NME9: variants seen among roughly 807,000 people sequenced by gnomAD.
The protein encoded by NME9 is thioredoxin domain-containing protein 6.
In NME9, 48 loss-of-function variants were observed where a neutral mutation model predicts 44.4. The observed-to-expected ratio is 1.08, with a 90% CI of 0.86 to 1.37. The LOEUF (loss-of-function observed/expected upper bound fraction) is 1.37, where lower values mean the gene tolerates loss of function less well. Ranked by LOEUF, NME9 falls within the 40% of genes most tolerant of loss-of-function variation. NME9 has a pLI of 0.00. For synonymous variants in NME9, 139 were observed against 147.1 expected (o/e 0.94, Z 0.40); for missense variants, 325 against 405.2 (o/e 0.80, Z 1.70).
chr3:138,323,843 T>C (rs2053612107), intron 2 of NME9, among the ~76,000 whole-genome samples: 1 of 152,056 alleles, frequency 6.6e-6, no homozygotes, highest in East Asian at 1.9e-4. Context: ...GAAAGAGAAG[T>C]AAAGAGTGGG....
chr3:138,288,082 G>A (rs1005590359), intron 8 of NME9: 2 of 159,102 alleles, frequency 1.3e-5, no homozygotes, highest in African/African-American at 4.8e-5. Flanking sequence ...AGTTTTTGGG[G>A]ATATTCCTTT....
downstream of NME9, among the ~76,000 whole-genome samples, chr3:138,300,606 GGAA>G (rs1215958188): frequency 6.6e-6 from 1 of 152,198 alleles, no homozygotes; most frequent in Non-Finnish European, 1.5e-5. Context: ...GTCCCTCCAG[GGAA>G]GAACTGCAGA....
At chr3:138,325,398 CT>C (rs58680542) in intron 1 of NME9, among the ~76,000 whole-genome samples, 404 of 140,112 alleles carry the variant, frequency 2.9e-3, no homozygotes, top group Middle Eastern at 7.4e-3. Flanking sequence ...GTAAAAATTT[CT>C]TTTTTTTTTT....
chr3:138,305,371 C>G (rs1267725342), intron 8 of NME9, among the ~76,000 whole-genome samples: 1 of 152,176 alleles, frequency 6.6e-6, no homozygotes, highest in Non-Finnish European at 1.5e-5. Context: ...GCTGGATAAC[C>G]AAGGGCTGAA....
rs1479068070 is a variant in NME9 at position 138,315,274 on chromosome 3, A to T, written c.384+253T>A. On this transcript the variant is annotated intron_variant, in intron 5 of 10. Coordinates refer to ENST00000333911, the MANE Select transcript of NME9 (RefSeq NM_001349018.2). ...TTTCATTTCTGAATTCATTGTTAAG[A>T]GTTGAGGTGGGAGACGAAAGGGAAA... is the stretch of plus-strand genomic sequence containing the variant. Among the ~76,000 whole-genome samples, 3 of 152,178 alleles carry T rather than the reference A, an allele frequency of 2.0e-5. No homozygotes were observed. The East Asian group carries it at 5.8e-4, about 29-fold the overall frequency.
At chr3:138,285,879 A>G (rs1009162781) in intron 8 of NME9, among the ~76,000 whole-genome samples, 1 of 152,212 alleles carries the variant, frequency 6.6e-6, no homozygotes, top group African/African-American at 2.4e-5. Flanking sequence ...AATCACTTAA[A>G]AAGTTTTCCT....
At chr3:138,265,225 TG>T (rs2048165153) in intron 8 of NME9, among the ~76,000 whole-genome samples, 1 of 152,098 alleles carries the variant, frequency 6.6e-6, no homozygotes, top group Non-Finnish European at 1.5e-5. Flanking sequence ...ATAACATTTT[TG>T]GTGTTAGGTC....
intron 8 of NME9, among the ~76,000 whole-genome samples, chr3:138,269,793 A>G (rs2048606373): frequency 1.3e-5 from 2 of 150,736 alleles, no homozygotes; most frequent in Admixed American, 1.3e-4. Flanking sequence ...AAAGGAAATG[A>G]CAGAGTGGTT....
intron 8 of NME9, among the ~76,000 whole-genome samples, chr3:138,291,449 A>G (rs1027785385): frequency 5.9e-5 from 9 of 152,192 alleles, no homozygotes; most frequent in Non-Finnish European, 1.0e-4. Context: ...TTCATCAGAT[A>G]TCTCTTTTGA....
At position 138,329,817 on chromosome 3, in the gene NME9, C is replaced by A. The variant is rs1180031178; in HGVS notation, c.-482G>T. Reference sequence around the variant, plus strand: ...CTTCGACGCGCCCGGAGTCACCAACCGAGTCTGCCGCGACCTAGCCGCGGT... The same window carrying A: ...CTTCGACGCGCCCGGAGTCACCAACAGAGTCTGCCGCGACCTAGCCGCGGT... On this transcript the variant is annotated 5_prime_UTR_variant, in exon 1 of 11. Coordinates refer to ENST00000333911, the MANE Select transcript of NME9 (RefSeq NM_001349018.2). 4 of 986,360 alleles carry A rather than the reference C, an allele frequency of 4.1e-6. No individual in the cohort carries two copies. The highest frequency in any genetic ancestry group is 3.6e-6 in the Non-Finnish European group (3 of 830,674). 61.1% of individuals were successfully genotyped at this position (986,360 alleles called of 1,614,324 possible). A position where few individuals can be genotyped will look rare whatever the true frequency, so the allele number is the denominator to read the frequency against.
At chr3:138,281,805 C>T (rs955082162) in intron 8 of NME9, among the ~76,000 whole-genome samples, 4 of 152,118 alleles carry the variant, frequency 2.6e-5, no homozygotes, top group Non-Finnish European at 4.4e-5. Context: ...CCTTTATATT[C>T]TGTTTTAGTG....
chr3:138,262,683 TAAA>T (rs111720907), intron 8 of NME9: 2 of 1,052,794 alleles, frequency 1.9e-6, no homozygotes, highest in Non-Finnish European at 2.5e-6. Context: ...GACATAGGAT[TAAA>T]AAAAAAAATC....
intron 6 of NME9, among the ~76,000 whole-genome samples, chr3:138,309,384 A>C (rs900433641): frequency 2.0e-5 from 3 of 152,150 alleles, no homozygotes; most frequent in Non-Finnish European, 4.4e-5. Flanking sequence ...AAGACATTTG[A>C]GGTATAAAAC....
chr3:138,305,528 T>TG (rs1287932746), intron 8 of NME9, among the ~76,000 whole-genome samples: 1 of 152,078 alleles, frequency 6.6e-6, no homozygotes, highest in African/African-American at 2.4e-5. Flanking sequence ...GGGATGCCTA[T>TG]TCCCCAACAC....
chr3:138,329,198 T>G, intron 1 of NME9, 105 bp downstream of exon 1: 1 of 1,010,416 alleles, frequency 9.9e-7, no homozygotes, highest in Non-Finnish European at 1.5e-6. Context: ...TGTCACGTAC[T>G]GCTGGCAAAC....
Position 138,306,011 on chromosome 3 carries a change from G to A in NME9, c.629C>T (p.Ala210Val), listed in dbSNP as rs149207406. The change falls in exon 8 of 11, where the codon GCT becomes GTT. Residue 210 changes from alanine (A) to valine (V), a missense_variant. Physicochemically the swap from Ala to Val is moderately conservative, Grantham distance 64. Transcript: ENST00000333911. ...AEVRLFYQHK[A>V]GEEAFEKLVH... Reference sequence around the variant, plus strand: ...GGAAGTAGATGAGCTGACCTCTCCAGCTTTGTGTTGGTAGAAAAGTCGCAC... The same window carrying A: ...GGAAGTAGATGAGCTGACCTCTCCAACTTTGTGTTGGTAGAAAAGTCGCAC... The A allele has an allele frequency of 7.5e-4, 1,202 of 1,609,216 alleles. 3 individuals are homozygous for A. Among genetic ancestry groups the A allele is most frequent in the South Asian group, 7.5e-4 (68 of 90,982 alleles).
rs2108423983 is a variant in NME9, at chr3:138,301,207, T to A, written c.*433A>T. The A allele has an allele frequency of 5.2e-6, 4 of 774,454 alleles. No homozygotes were observed. Among genetic ancestry groups the A allele is most frequent in the Non-Finnish European group, 6.3e-6 (4 of 637,846 alleles). The allele number at this position is 774,454 out of a possible 1,614,324, so 48.0% of individuals were successfully genotyped here. A position where few individuals can be genotyped will look rare whatever the true frequency, so the allele number is the denominator to read the frequency against. On this transcript the variant is annotated 3_prime_UTR_variant, in exon 11 of 11. Transcript: ENST00000333911. ...TACTATTCTCTTTCTTTACTTTTTT[T>A]TTTATTATTATTATTAAGATGGAGT...
At chr3:138,318,574 A>G (rs996975332) in intron 3 of NME9, among the ~76,000 whole-genome samples, 5 of 151,976 alleles carry the variant, frequency 3.3e-5, no homozygotes, top group Admixed American at 2.0e-4. Context: ...ACATGGGCAT[A>G]AGAGATCCCC....
chr3:138,329,175 A>C, intron 1 of NME9, 128 bp downstream of exon 1: 1 of 828,438 alleles, frequency 1.2e-6, no homozygotes, highest in Non-Finnish European at 1.9e-6. Context: ...ACATCACTCA[A>C]GTTTGAGAAC....
Sources: allele counts gnomAD v4.1 joint callset (sites outside exome capture counted in the v4.1 genomes callset), GRCh38; gene constraint gnomAD v4.1.1; transcripts MANE v1.5; gene names NCBI Gene and HGNC (gene_info 2026-07-23, HGNC 2026-07-21).